Variants in THRB observed in about 807,000 individuals in gnomAD.
THRB encodes the protein nuclear receptor subfamily 1 group A member 2.
In THRB, 12 loss-of-function variants were observed where a neutral mutation model predicts 47.8. The observed-to-expected ratio is 0.25, with a 90% CI of 0.16 to 0.41. The LOEUF is 0.41. Ranked by LOEUF, THRB falls within the 10% of genes least tolerant of loss-of-function variation. The pLI, the probability that THRB is intolerant of heterozygous loss-of-function variation, is 1.00. For synonymous variants in THRB, 218 were observed against 212.2 expected, an observed-to-expected ratio of 1.03 and a Z score of -0.24; for missense variants, 348 against 589.2, an observed-to-expected ratio of 0.59 and a Z score of 4.24.
chr3:24,249,220 A>AT (rs1031980725), intron 3 of THRB, among the ~76,000 whole-genome samples: 85 of 150,850 alleles, frequency 5.6e-4, no homozygotes, highest in South Asian at 3.4e-3. Context: ...AAAAATTCTT[A>AT]TTTTTTTTTG....
chr3:24,218,724 C>G (rs1185573732), intron 4 of THRB, among the ~76,000 whole-genome samples: 1 of 152,050 alleles, frequency 6.6e-6, no homozygotes, highest in East Asian at 1.9e-4. Context: ...CACCACAATC[C>G]TTTGAGAAAA....
chr3:24,126,883 C>A (rs149144684), intron 10 of THRB, among the ~76,000 whole-genome samples: 332 of 152,292 alleles, frequency 2.2e-3, no homozygotes, highest in African/African-American at 7.6e-3. Flanking sequence ...TCTGCAACTT[C>A]TGTTTTCGTG....
chr3:24,461,597 C>T (rs549323272), intron 1 of THRB, among the ~76,000 whole-genome samples: 1 of 152,298 alleles, frequency 6.6e-6, no homozygotes, highest in East Asian at 1.9e-4. Flanking sequence ...CAAGTCAAAG[C>T]TTAACAGATT....
At chr3:24,138,333 G>A (rs1447250046) in intron 8 of THRB, among the ~76,000 whole-genome samples, 1 of 151,992 alleles carries the variant, frequency 6.6e-6, no homozygotes, top group African/African-American at 2.4e-5. Flanking sequence ...AGGTCCTTGG[G>A]CCATGGGATA....
chr3:24,426,179 CT>C (rs2069741117), intron 1 of THRB, among the ~76,000 whole-genome samples: 1 of 151,942 alleles, frequency 6.6e-6, no homozygotes, highest in Non-Finnish European at 1.5e-5. Flanking sequence ...GATAATCTAT[CT>C]GGCATTTAGA....
intron 5 of THRB, among the ~76,000 whole-genome samples, chr3:24,153,785 G>A (rs994917026): frequency 6.6e-6 from 1 of 152,140 alleles, no homozygotes; most frequent in African/African-American, 2.4e-5. Flanking sequence ...AGGCAGGATT[G>A]GTTGGGATGT....
At chr3:24,256,549 T>C (rs1389514492) in intron 3 of THRB, among the ~76,000 whole-genome samples, 1 of 152,058 alleles carries the variant, frequency 6.6e-6, no homozygotes, top group African/African-American at 2.4e-5. Context: ...TAATTTGTTT[T>C]TGAGAGAGGG....
intron 1 of THRB, among the ~76,000 whole-genome samples, chr3:24,369,253 T>C (rs1251912224): frequency 6.6e-6 from 1 of 152,180 alleles, no homozygotes; most frequent in Non-Finnish European, 1.5e-5. Flanking sequence ...ATATCTACTA[T>C]ATGAAACATA....
chr3:24,454,839 A>C (rs1206205946), intron 1 of THRB, among the ~76,000 whole-genome samples: 1 of 152,208 alleles, frequency 6.6e-6, no homozygotes, highest in Non-Finnish European at 1.5e-5. Flanking sequence ...ATACTCGGAA[A>C]GAATAAACAT....
chr3:24,314,689 C>T (rs574947204), intron 2 of THRB, among the ~76,000 whole-genome samples: 2 of 152,254 alleles, frequency 1.3e-5, no homozygotes, highest in South Asian at 2.1e-4. Flanking sequence ...TTCTCCAGAT[C>T]GCACATTCCC....
At chr3:24,351,390 C>A (rs1391545533) in intron 1 of THRB, among the ~76,000 whole-genome samples, 2 of 152,112 alleles carry the variant, frequency 1.3e-5, no homozygotes, top group Non-Finnish European at 2.9e-5. Flanking sequence ...AAATGATGGG[C>A]ACTTACTAAG....
At chr3:24,173,041 C>G (rs556572139) in intron 5 of THRB, among the ~76,000 whole-genome samples, 1 of 152,236 alleles carries the variant, frequency 6.6e-6, no homozygotes, top group East Asian at 1.9e-4. Context: ...GTCAGTGATT[C>G]TCAAATGGTG....
chr3:24,245,679 G>A (rs1356266153), intron 3 of THRB, among the ~76,000 whole-genome samples: 2 of 152,088 alleles, frequency 1.3e-5, no homozygotes, highest in Non-Finnish European at 2.9e-5. Context: ...TTGGGAGACC[G>A]AGGCGGGCAG....
At chr3:24,457,150 A>AT (rs775879139) in intron 1 of THRB, among the ~76,000 whole-genome samples, 5 of 152,118 alleles carry the variant, frequency 3.3e-5, no homozygotes, top group Admixed American at 6.6e-5. Flanking sequence ...GAAGATTTCT[A>AT]TTTTTTCTTC....
intron 3 of THRB, among the ~76,000 whole-genome samples, chr3:24,267,779 C>G (rs889370030): frequency 6.6e-6 from 1 of 152,126 alleles, no homozygotes; most frequent in Non-Finnish European, 1.5e-5. Context: ...CTATAAATTC[C>G]CACTTGCCCA....
At chr3:24,128,087 G>A (rs1868574) in intron 9 of THRB, among the ~76,000 whole-genome samples, 1,671 of 152,288 alleles carry the variant, frequency 0.011, 27 homozygotes, top group African/African-American at 0.038. Flanking sequence ...AACTTCAACT[G>A]ATAACTGCTT....
intron 1 of THRB, among the ~76,000 whole-genome samples, chr3:24,394,194 G>A (rs2066784017): frequency 6.6e-6 from 1 of 152,080 alleles, no homozygotes; most frequent in Non-Finnish European, 1.5e-5. Context: ...AGGTAAAAGA[G>A]TATTTGCCCA....
At chr3:24,140,526 A>T (rs1227452802) in intron 8 of THRB, among the ~76,000 whole-genome samples, 1 of 152,034 alleles carries the variant, frequency 6.6e-6, no homozygotes, top group East Asian at 1.9e-4. Context: ...GGGATTCCTC[A>T]CTGCCTGGTG....
intron 5 of THRB, among the ~76,000 whole-genome samples, chr3:24,171,387 C>T (rs1015654146): frequency 2.0e-5 from 3 of 152,146 alleles, no homozygotes; most frequent in Non-Finnish European, 2.9e-5. Context: ...TTAAAGCAGC[C>T]CTCCCTCCAG....
Sources: allele counts gnomAD v4.1 joint callset (sites outside exome capture counted in the v4.1 genomes callset), GRCh38; gene constraint gnomAD v4.1.1; transcripts MANE v1.5; gene names NCBI Gene and HGNC (gene_info 2026-07-23, HGNC 2026-07-21).